The following CELF2 variants were observed in gnomAD, a reference collection of about 807,000 sequenced individuals.
CELF2 encodes CUGBP Elav-like family member 2.
CELF2 carries 8 observed loss-of-function variants against 62.6 expected under a neutral mutation model. That is an observed-to-expected ratio of 0.13 (90% CI 0.07 to 0.23). The LOEUF (loss-of-function observed/expected upper bound fraction) is 0.23, where lower values mean the gene tolerates loss of function less well. Among genes scored for constraint, CELF2 ranks in the 10% least tolerant of loss-of-function variants. The pLI is 1.00. For synonymous variants in CELF2, 258 were observed against 250.0 expected, an observed-to-expected ratio of 1.03 and a Z score of -0.30; for missense variants, 333 against 671.0, an observed-to-expected ratio of 0.50 and a Z score of 5.56.
At chr10:10,912,429 G>A (rs904807275) in intron 1 of CELF2, among the ~76,000 whole-genome samples, 1 of 152,132 alleles carries the variant, frequency 6.6e-6, no homozygotes, top group Non-Finnish European at 1.5e-5. Flanking sequence ...CCAGGCTGGA[G>A]CGCGATCTCG....
intron 1 of CELF2, among the ~76,000 whole-genome samples, chr10:11,066,958 G>C (rs1258940532): frequency 2.0e-5 from 3 of 152,140 alleles, no homozygotes; most frequent in Non-Finnish European, 4.4e-5. Flanking sequence ...GCTTGGCTCT[G>C]TAGTTACTGT....
intron 2 of CELF2, among the ~76,000 whole-genome samples, chr10:10,984,199 A>C (rs2052471490): frequency 2.6e-5 from 4 of 152,242 alleles, no homozygotes; most frequent in Admixed American, 2.6e-4. Flanking sequence ...ACTGAAGGAC[A>C]CACAGAGGGT....
At chr10:10,839,075 G>T (rs1043209719) in intron 1 of CELF2, among the ~76,000 whole-genome samples, 7 of 152,144 alleles carry the variant, frequency 4.6e-5, no homozygotes, top group African/African-American at 1.4e-4. Context: ...GAACCCAGGA[G>T]GGGGAGGTTG....
chr10:11,136,844 A>G (rs531576245), intron 1 of CELF2, among the ~76,000 whole-genome samples: 2 of 152,198 alleles, frequency 1.3e-5, no homozygotes, highest in African/African-American at 4.8e-5. Flanking sequence ...GGATGTTACA[A>G]TTTGCTGCCG....
chr10:10,543,528 C>G, the CELF2 span, among the ~76,000 whole-genome samples: 3 of 152,080 alleles, frequency 2.0e-5, no homozygotes, highest in African/African-American at 7.2e-5. Flanking sequence ...TGGCTGTGCA[C>G]CAGCTCTGTG....
the CELF2 span, among the ~76,000 whole-genome samples, chr10:10,618,784 G>A: frequency 6.6e-6 from 1 of 152,078 alleles, no homozygotes; most frequent in Non-Finnish European, 1.5e-5. Context: ...AGGTTTGATA[G>A]GCAAGAGAAA....
intron 8 of CELF2, among the ~76,000 whole-genome samples, chr10:11,279,463 A>T (rs1427368228): frequency 6.6e-6 from 1 of 152,180 alleles, no homozygotes; most frequent in African/African-American, 2.4e-5. Context: ...GCGCTCCCGG[A>T]GTGGTGAAGT....
At chr10:10,707,846 A>T in the CELF2 span, among the ~76,000 whole-genome samples, 4 of 152,172 alleles carry the variant, frequency 2.6e-5, no homozygotes, top group African/African-American at 9.7e-5. Flanking sequence ...AAGCCTCTAA[A>T]TTCACCCTTT....
intron 5 of CELF2, 45 bp from the exon 6 acceptor site, chr10:11,266,550 CTTG>C (rs2082231458): frequency 2.7e-6 from 4 of 1,493,298 alleles, no homozygotes; most frequent in Non-Finnish European, 3.7e-6. Context: ...ACCCTTTTGT[CTTG>C]TTGTTTTTTG....
At chr10:11,250,241 G>A (rs2076744960) in intron 4 of CELF2, among the ~76,000 whole-genome samples, 1 of 152,224 alleles carries the variant, frequency 6.6e-6, no homozygotes, top group Non-Finnish European at 1.5e-5. Flanking sequence ...GAAGGCAGCG[G>A]CCCATACCTG....
chr10:10,846,881 A>G lies in CELF2; in HGVS notation c.53+48064A>G, dbSNP rs547094808. 4.6e-5 allele frequency among the ~76,000 whole-genome samples: 7 copies of G among 152,308 alleles called. No individual in the cohort carries two copies. In the East Asian group the frequency reaches 1.3e-3, roughly 29 times the overall value. ...ATCTATTGTACATGCTGTTTAAATA[A>G]GATGTGAACACTTCCATGTGATTGC... On this transcript the variant is annotated intron_variant, in intron 1 of 13. Transcript: ENST00000636488.
chr10:10,767,084 G>C, the CELF2 span, among the ~76,000 whole-genome samples: 3,768 of 152,238 alleles, frequency 0.025, 68 homozygotes, highest in Non-Finnish European at 0.035. Flanking sequence ...GGGCTATGCT[G>C]GAGCTGAAAT....
the CELF2 span, among the ~76,000 whole-genome samples, chr10:10,462,955 G>T: frequency 6.6e-6 from 1 of 152,076 alleles, no homozygotes; most frequent in Non-Finnish European, 1.5e-5. Flanking sequence ...TTCCAGGGAT[G>T]TTACGGGTTT....
chr10:10,483,161 G>A, the CELF2 span, among the ~76,000 whole-genome samples: 1 of 145,122 alleles, frequency 6.9e-6, no homozygotes, highest in Admixed American at 7.1e-5. Context: ...AGTCTCACAG[G>A]TACAATCTAA....
At position 11,157,904 on chromosome 10, in the gene CELF2, C is replaced by T. The variant is rs981672979; in HGVS notation, c.75-7582C>T. Among the ~76,000 whole-genome samples the T allele has an allele frequency of 3.9e-5, 6 of 152,194 alleles. No homozygotes were observed. The highest frequency in any genetic ancestry group is 1.4e-4 in the African/African-American group (6 of 41,430). On this transcript the variant is annotated intron_variant, in intron 1 of 12. Transcript: ENST00000633077. The surrounding 1 kb of genome is among the most constrained non-coding windows in gnomAD (Gnocchi z 4.9). ...TACCTGCCTTGAGAAGCACAGTCAC[C>T]ACAACCTAGTCTGCAGGGAATCAGA...
At chr10:10,862,408 T>A (rs762677576) in intron 1 of CELF2, among the ~76,000 whole-genome samples, 2 of 152,192 alleles carry the variant, frequency 1.3e-5, no homozygotes, top group Admixed American at 6.5e-5. Flanking sequence ...TGATGCTGGT[T>A]GTCATCTGGA....
In CELF2 at chr10:11,306,173, C is replaced by G. The variant is rs1164840394; in HGVS notation, c.977-7966C>G. On this transcript the variant is annotated intron_variant, in intron 9 of 12. Transcript: ENST00000633077. This position sits in a 1 kb window ranked among gnomAD's most constrained non-coding sequence, Gnocchi z 4.4. The stretch of plus-strand genomic sequence containing the variant: ...CAGCCTCCGTCTGGGATCCTCTTGG[C>G]TTTGTTCTGCCTCCTCCTGCTTGGA... 6.6e-6 allele frequency among the ~76,000 whole-genome samples: 1 copy of G among 152,058 alleles called. No homozygotes were observed. Among genetic ancestry groups the G allele is most frequent in the African/African-American group, 2.4e-5 (1 of 41,402 alleles).
At chr10:10,836,256 C>T (rs2132380434) in intron 1 of CELF2, among the ~76,000 whole-genome samples, 1 of 151,754 alleles carries the variant, frequency 6.6e-6, no homozygotes, top group African/African-American at 2.4e-5. Flanking sequence ...AACCACATCA[C>T]CTAGAGGGTG....
chr10:11,017,042 G>C (rs2057351300), upstream of CELF2, among the ~76,000 whole-genome samples: 1 of 152,236 alleles, frequency 6.6e-6, no homozygotes, highest in Non-Finnish European at 1.5e-5. This position sits in a 1 kb window ranked among gnomAD's most constrained non-coding sequence, Gnocchi z 5.5. Context: ...CAATTAGAAT[G>C]TCACCTTAGA....
Sources: allele counts gnomAD v4.1 joint callset (sites outside exome capture counted in the v4.1 genomes callset), GRCh38; gene constraint gnomAD v4.1.1; non-coding constraint Gnocchi (gnomAD v3.1); transcripts MANE v1.5; gene names NCBI Gene and HGNC (gene_info 2026-07-23, HGNC 2026-07-21).